SMN1: variants seen among roughly 807,000 people sequenced by gnomAD.
SMN1 encodes the protein survival motor neuron protein.
For synonymous variants in SMN1, 3 were observed against 5.1 expected (o/e 0.58, Z 0.56); for missense variants, 15 against 17.1 (o/e 0.88, Z 0.22).
At chr5:70,951,342 C>G (rs1380451316) in intron 7 of SMN1, among the ~76,000 whole-genome samples, 1 of 151,598 alleles carries the variant, frequency 6.6e-6, no homozygotes, top group Non-Finnish European at 1.5e-5. Context: ...GTGTAAATCT[C>G]AGCTCACTGC....
At chr5:70,960,843 C>T in the SMN1 span, among the ~76,000 whole-genome samples, 1 of 149,662 alleles carries the variant, frequency 6.7e-6, no homozygotes, top group East Asian at 2.0e-4. Context: ...TTATAGGCAC[C>T]CGCCACTGCA....
the SMN1 span, among the ~76,000 whole-genome samples, chr5:70,960,058 C>T: frequency 6.8e-6 from 1 of 147,780 alleles, no homozygotes; most frequent in Non-Finnish European, 1.5e-5. Flanking sequence ...ATTTATCAAA[C>T]CTTTGAATCT....
chr5:70,959,142 A>C, the SMN1 span, among the ~76,000 whole-genome samples: 1 of 149,654 alleles, frequency 6.7e-6, no homozygotes, highest in East Asian at 2.0e-4. Flanking sequence ...CATTCTCAGT[A>C]AACTATCGCA....
At chr5:70,954,709 C>T (rs1206995083), downstream of SMN1, among the ~76,000 whole-genome samples, 14 of 50,446 alleles carry the variant, frequency 2.8e-4, 1 homozygote, top group Admixed American at 9.8e-4. Flanking sequence ...AAAAATTAGC[C>T]CGGCATGGTG....
At chr5:70,944,228 CA>C (rs1749496147) in intron 5 of SMN1, among the ~76,000 whole-genome samples, 2 of 151,680 alleles carry the variant, frequency 1.3e-5, no homozygotes, top group Non-Finnish European at 3.0e-5. Flanking sequence ...TCATTGGTCT[CA>C]GGGGGCTGAT....
chr5:70,960,436 G>T, the SMN1 span, among the ~76,000 whole-genome samples: 1 of 148,326 alleles, frequency 6.7e-6, no homozygotes, highest in African/African-American at 2.5e-5. Context: ...AGTTTTTTGT[G>T]TAGCTTTCTT....
intron 5 of SMN1, among the ~76,000 whole-genome samples, chr5:70,943,838 GA>G (rs750437278): frequency 5.6e-5 from 8 of 143,470 alleles, no homozygotes; most frequent in Non-Finnish European, 1.3e-4. Context: ...GCTCAGGCTG[GA>G]GTGCAGTGGC....
downstream of SMN1, among the ~76,000 whole-genome samples, chr5:70,955,239 A>G (rs1275769056): frequency 3.5e-5 from 5 of 144,370 alleles, no homozygotes; most frequent in Admixed American, 1.4e-4. Context: ...AACCAAAGCA[A>G]CAAACAAAAA....
downstream of SMN1, among the ~76,000 whole-genome samples, chr5:70,958,688 A>G (rs1350961296): frequency 3.8e-5 from 5 of 130,426 alleles, no homozygotes; most frequent in Non-Finnish European, 6.6e-5. Flanking sequence ...ACAGTTTGTT[A>G]TAATTTCTGT....
At chr5:70,957,546 A>C (rs1385692725), downstream of SMN1, among the ~76,000 whole-genome samples, 5 of 149,108 alleles carry the variant, frequency 3.4e-5, 1 homozygote, top group South Asian at 1.1e-3. Flanking sequence ...AATTTTGTCA[A>C]AGGCCTTTTC....
chr5:70,950,979 G>A (rs1393172239), intron 7 of SMN1, among the ~76,000 whole-genome samples: 1 of 151,908 alleles, frequency 6.6e-6, no homozygotes, highest in Non-Finnish European at 1.5e-5. Flanking sequence ...TCTCCATGTT[G>A]GTCAGGCTGT....
chr5:70,955,339 C>T (rs1749879095), downstream of SMN1, among the ~76,000 whole-genome samples: 1 of 143,648 alleles, frequency 7.0e-6, no homozygotes, highest in African/African-American at 2.6e-5. Flanking sequence ...TTCCTGGGTT[C>T]AAGCCATTCT....
chr5:70,955,485 A>C (rs1223784482), downstream of SMN1, among the ~76,000 whole-genome samples: 1 of 142,310 alleles, frequency 7.0e-6, no homozygotes, highest in South Asian at 2.4e-4. Context: ...TTTTTAAAAA[A>C]CATGTAATTA....
At chr5:70,955,842 T>A (rs1455126984), downstream of SMN1, among the ~76,000 whole-genome samples, 2 of 136,672 alleles carry the variant, frequency 1.5e-5, no homozygotes, top group Non-Finnish European at 3.2e-5. Flanking sequence ...TTTGAACTTT[T>A]AAAATTTTTT....
At chr5:70,935,773 CA>C (rs879740939) in intron 1 of SMN1, among the ~76,000 whole-genome samples, 20 of 137,318 alleles carry the variant, frequency 1.5e-4, no homozygotes, top group Middle Eastern at 3.4e-3. Flanking sequence ...CAAAACAAAA[CA>C]AAAAAAAAAC....
At chr5:70,956,646 G>C (rs1749912051), downstream of SMN1, among the ~76,000 whole-genome samples, 1 of 150,124 alleles carries the variant, frequency 6.7e-6, no homozygotes, top group Non-Finnish European at 1.5e-5. Flanking sequence ...CGTTATTTCT[G>C]AGAGCTCTGT....
the SMN1 span, among the ~76,000 whole-genome samples, chr5:70,960,752 A>G: frequency 3.4e-5 from 5 of 145,642 alleles, no homozygotes; most frequent in African/African-American, 1.2e-4. Flanking sequence ...CTGGAGTGCA[A>G]TGGCATAATC....
intron 8 of SMN1, 199 bp downstream of exon 8, chr5:70,952,193 A>G (rs546594138): frequency 6.7e-7 from 1 of 1,490,544 alleles, no homozygotes; most frequent in African/African-American, 1.4e-5. Flanking sequence ...GAATTCTCAT[A>G]CTTAACTGGT....
the SMN1 span, among the ~76,000 whole-genome samples, chr5:70,960,146 T>C: frequency 2.7e-5 from 4 of 150,770 alleles, no homozygotes; most frequent in South Asian, 8.5e-4. Flanking sequence ...CACCTTTTCA[T>C]GTGTTTAAGA....
Sources: gnomAD v4.1 joint callset for allele counts (sites outside exome capture counted in the v4.1 genomes callset) on GRCh38, gnomAD v4.1.1 for gene constraint, MANE v1.5 for transcripts, NCBI Gene and HGNC (gene_info 2026-07-23, HGNC 2026-07-21) for gene names.